The following TOMM70 variants were observed in gnomAD, a reference collection of about 807,000 sequenced individuals.
TOMM70 encodes the protein translocase of outer mitochondrial membrane 70.
In TOMM70, 13 loss-of-function variants were observed where a neutral mutation model predicts 73.6. The ratio of observed to expected loss-of-function variants is 0.18; its 90% CI spans 0.11 to 0.28. The LOEUF is 0.28. TOMM70 is among the 10% of genes least tolerant of loss of function. The probability of loss-of-function intolerance (pLI) is 1.00; values close to 1 mark genes in which losing one functional copy is unlikely to be tolerated. For synonymous variants in TOMM70, 257 were observed against 271.2 expected (o/e 0.95, Z 0.51); for missense variants, 609 against 747.5 (o/e 0.81, Z 2.16).
At chr3:100,378,258 GAAAGA>G (rs1250323496) in intron 5 of TOMM70, among the ~76,000 whole-genome samples, 10 of 151,176 alleles carry the variant, frequency 6.6e-5, no homozygotes, top group South Asian at 2.1e-4. Flanking sequence ...AAAAAAGAAA[GAAAGA>G]AAAGAAAAGA....
chr3:100,389,971 C>T (rs754171038), intron 1 of TOMM70, among the ~76,000 whole-genome samples: 11 of 150,404 alleles, frequency 7.3e-5, no homozygotes, highest in Non-Finnish European at 1.2e-4. Flanking sequence ...ACTCAGGAGG[C>T]GGAGGTTGCA....
chr3:100,378,043 G>T, intron 5 of TOMM70, 131 bp from the exon 6 acceptor site: 2 of 676,566 alleles, frequency 3.0e-6, no homozygotes, highest in Non-Finnish European at 4.9e-6. Flanking sequence ...TCAGGCATTC[G>T]AGACCAGCCT....
intron 1 of TOMM70, among the ~76,000 whole-genome samples, chr3:100,390,264 T>C (rs1007581433): frequency 3.3e-5 from 5 of 152,174 alleles, no homozygotes; most frequent in Non-Finnish European, 7.3e-5. Flanking sequence ...TGTAGACTAG[T>C]GTAGGAAACA....
At chr3:100,373,899 A>C (rs1017432091) in intron 7 of TOMM70, among the ~76,000 whole-genome samples, 1 of 152,210 alleles carries the variant, frequency 6.6e-6, no homozygotes, top group African/African-American at 2.4e-5. Context: ...ATCACTATTA[A>C]GCAAGAAACC....
At position 100,363,597 on chromosome 3, in the gene TOMM70, T is replaced by G. The variant is rs915191910; in HGVS notation, c.*1967A>C. 57 of 152,636 alleles carry G rather than the reference T, an allele frequency of 3.7e-4. No homozygotes were observed. Among genetic ancestry groups the G allele is most frequent in the Non-Finnish European group, 1.3e-4 (9 of 68,042 alleles). The allele number at this position is 152,636 out of a possible 1,614,324, so 9.5% of individuals were successfully genotyped here. A position where few individuals can be genotyped will look rare whatever the true frequency, so the allele number is the denominator to read the frequency against. The stretch of plus-strand genomic sequence containing the variant: ...AGTCCATGAGAATTTGGAATGACAG[T>G]ATAGAATGGCACATGCTTCAGTTTC... On this transcript the variant is annotated 3_prime_UTR_variant, in exon 12 of 12. Transcript: ENST00000284320.
chr3:100,369,151 C>A lies in TOMM70; in HGVS notation c.1453-16G>T. 1.3e-6 allele frequency: 2 copies of A among 1,569,412 alleles called. No individual in the cohort carries two copies. The highest frequency in any genetic ancestry group is 8.8e-7 in the Non-Finnish European group (1 of 1,140,996). On this transcript the variant is annotated splice_polypyrimidine_tract_variant and intron_variant, in intron 9 of 11. Transcript: ENST00000284320. ...CTGTTAATGCCTATGTGAGGAGATA[C>A]TTCAGTTATATTAAGGTAACCGTCA... is the stretch of plus-strand genomic sequence containing the variant.
intron 1 of TOMM70, among the ~76,000 whole-genome samples, chr3:100,390,826 C>T (rs901897648): frequency 1.3e-5 from 2 of 151,760 alleles, no homozygotes; most frequent in African/African-American, 4.8e-5. Context: ...GAGACTGCAT[C>T]CCAAAAGAAA....
intron 1 of TOMM70, among the ~76,000 whole-genome samples, chr3:100,399,698 G>A (rs1706866199): frequency 6.6e-6 from 1 of 151,120 alleles, no homozygotes; most frequent in Non-Finnish European, 1.5e-5. Context: ...CTGAATTTAA[G>A]ATGCTTCCAA....
intron 10 of TOMM70, 147 bp from the exon 11 acceptor site, chr3:100,368,313 GTTTT>G: frequency 3.0e-6 from 3 of 1,002,180 alleles, no homozygotes; most frequent in East Asian, 6.1e-5. Context: ...ATCAAATTGT[GTTTT>G]TTTTCTCAGC....
chr3:100,394,365 C>CTTTTCTTTTCTTTTCTTTTCT (rs769287867), intron 1 of TOMM70, among the ~76,000 whole-genome samples: 1 of 131,392 alleles, frequency 7.6e-6, no homozygotes, highest in Non-Finnish European at 1.6e-5. Flanking sequence ...GTTACTTTTT[C>CTTTTCTTTTCTTTTCTTTTCT]TTTTTTTTTT....
rs1021489061 is a variant in TOMM70, at chr3:100,372,784, T to A, written c.1336-62A>T. On this transcript the variant is annotated intron_variant, in intron 8 of 11. Transcript: ENST00000284320. ...CTCAAAAACTCATGGAATGTTAACATAAACACACAAAATTACATAAATATT... is the reference window on the plus strand; with the variant it reads ...CTCAAAAACTCATGGAATGTTAACAAAAACACACAAAATTACATAAATATT... 3.1e-6 allele frequency: 4 copies of A among 1,305,344 alleles called. No homozygotes were observed. The African/African-American group carries it at 4.4e-5, about 14-fold the overall frequency. The allele number at this position is 1,305,344 out of a possible 1,614,324, so 80.9% of individuals were successfully genotyped here. A position where few individuals can be genotyped will look rare whatever the true frequency, so the allele number is the denominator to read the frequency against.
chr3:100,388,217 C>A (rs1333020468), intron 1 of TOMM70, among the ~76,000 whole-genome samples: 2 of 152,148 alleles, frequency 1.3e-5, no homozygotes, highest in Admixed American at 1.3e-4. Flanking sequence ...TGCTACAGGA[C>A]TGACAGAGAA....
rs1046075995 is a variant in TOMM70 at position 100,384,512 on chromosome 3, G to T, written c.702C>A (p.Leu234=). The change falls in exon 4 of 12, where the codon CTC becomes CTA. Residue 234 remains leucine, a synonymous_variant. Transcript: ENST00000284320. ...SMLLADKVLK[L]LGKEKAKEKY... is the part of the protein sequence containing the mutation. Reference sequence around the variant, plus strand: ...TTTCTTTGGCTTTCTCTTTTCCAAGGAGTTTAAGAACTTTATCGGCTAACA... The same window carrying T: ...TTTCTTTGGCTTTCTCTTTTCCAAGTAGTTTAAGAACTTTATCGGCTAACA... 1.9e-5 allele frequency: 31 copies of T among 1,610,668 alleles called. No individual in the cohort carries two copies. Among genetic ancestry groups the T allele is most frequent in the Non-Finnish European group, 2.6e-5 (31 of 1,178,646 alleles).
chr3:100,369,231 T>C (rs1208648756), intron 9 of TOMM70, 96 bp from the exon 10 acceptor site: 2 of 850,882 alleles, frequency 2.4e-6, no homozygotes, highest in African/African-American at 3.5e-5. Context: ...ACTTCATTCA[T>C]TATTACAAAA....
chr3:100,365,772 A>G (rs1188453465), intron 11 of TOMM70, 55 bp from the exon 12 acceptor site: 22 of 1,592,272 alleles, frequency 1.4e-5, no homozygotes, highest in Middle Eastern at 1.7e-4. Context: ...ACAATATTCA[A>G]TGAAGGTTGT....
intron 1 of TOMM70, among the ~76,000 whole-genome samples, chr3:100,394,359 C>CTTTTT (rs1706796626): frequency 8.4e-6 from 1 of 118,428 alleles, no homozygotes; most frequent in East Asian, 4.7e-4. Context: ...CCAACTGTTA[C>CTTTTT]TTTTTCTTTT....
intron 1 of TOMM70, among the ~76,000 whole-genome samples, chr3:100,393,336 A>C (rs1352212461): frequency 6.6e-6 from 1 of 152,208 alleles, no homozygotes; most frequent in African/African-American, 2.4e-5. Flanking sequence ...TAAGTGAAGT[A>C]ACTCAGAAAT....
chr3:100,398,431 T>A (rs1706849209), intron 1 of TOMM70, among the ~76,000 whole-genome samples: 1 of 152,200 alleles, frequency 6.6e-6, no homozygotes, highest in African/African-American at 2.4e-5. Flanking sequence ...GAAACTATCT[T>A]TATTTTTAAT....
chr3:100,380,116 TG>T (rs1270381906), intron 5 of TOMM70, among the ~76,000 whole-genome samples: 3 of 151,964 alleles, frequency 2.0e-5, no homozygotes, highest in African/African-American at 4.8e-5. Flanking sequence ...AAGGCCGAGG[TG>T]GGTGGATCAC....
Sources: allele counts gnomAD v4.1 joint callset (sites outside exome capture counted in the v4.1 genomes callset), GRCh38; gene constraint gnomAD v4.1.1; transcripts MANE v1.5; gene names NCBI Gene and HGNC (gene_info 2026-07-23, HGNC 2026-07-21).